The following SELP variants were observed in gnomAD, a reference collection of about 807,000 sequenced individuals.
SELP encodes the protein P-selectin.
SELP carries 92 observed loss-of-function variants against 104.1 expected under a neutral mutation model. The ratio of observed to expected loss-of-function variants is 0.88; its 90% CI spans 0.75 to 1.05. The LOEUF is 1.05. Among genes scored for constraint, SELP ranks in the 50% least tolerant of loss-of-function variants. The pLI, the probability that SELP is intolerant of heterozygous loss-of-function variation, is 0.00. For missense variants in SELP, 1,022 were observed against 1,017.3 expected, an observed-to-expected ratio of 1.00 and a Z score of -0.06; for synonymous variants, 397 against 364.5, an observed-to-expected ratio of 1.09 and a Z score of -1.01.
chr1:169,597,549 G>A (rs938209732), intron 10 of SELP, among the ~76,000 whole-genome samples: 7 of 152,174 alleles, frequency 4.6e-5, no homozygotes, highest in South Asian at 2.1e-4. Context: ...TTTCATTTCC[G>A]CCCTTCCTCT....
chr1:169,616,893 T>A, intron 3 of SELP, 135 bp downstream of exon 3: 1 of 918,762 alleles, frequency 1.1e-6, no homozygotes, highest in Non-Finnish European at 1.6e-6. Context: ...TAATACTGAT[T>A]GACTAACAAT....
chr1:169,621,317 A>T (rs1338198339), intron 1 of SELP, among the ~76,000 whole-genome samples: 1 of 122,950 alleles, frequency 8.1e-6, no homozygotes, highest in South Asian at 2.8e-4. Flanking sequence ...GTGTTCATGT[A>T]TCATGTCCTG....
At chr1:169,605,860 G>A (rs757760265) in intron 9 of SELP, among the ~76,000 whole-genome samples, 3 of 152,052 alleles carry the variant, frequency 2.0e-5, no homozygotes, top group Non-Finnish European at 4.4e-5. Context: ...AAGCAGCATT[G>A]TCTATAAAAG....
At chr1:169,604,198 C>T (rs1182983062) in intron 9 of SELP, among the ~76,000 whole-genome samples, 2 of 151,524 alleles carry the variant, frequency 1.3e-5, no homozygotes, top group Admixed American at 6.6e-5. Flanking sequence ...TCTCTGATGG[C>T]CAGTGATGAT....
At chr1:169,616,452 A>G (rs1662815840) in intron 3 of SELP, among the ~76,000 whole-genome samples, 1 of 152,230 alleles carries the variant, frequency 6.6e-6, no homozygotes, top group South Asian at 2.1e-4. Context: ...TCATCAGCAA[A>G]GTAAGAGTAA....
intron 10 of SELP, among the ~76,000 whole-genome samples, chr1:169,599,355 T>C (rs1275064578): frequency 3.1e-4 from 23 of 75,330 alleles, no homozygotes; most frequent in African/African-American, 2.7e-3. Flanking sequence ...TCTAAAACTT[T>C]GGCAAAAAAA....
intron 14 of SELP, among the ~76,000 whole-genome samples, chr1:169,593,307 A>G (rs756320843): frequency 1.2e-4 from 19 of 152,264 alleles, no homozygotes; most frequent in Non-Finnish European, 2.5e-4. Context: ...CCAAATGCAA[A>G]ACTGCAAAGT....
In SELP at chr1:169,612,924, C is replaced by T; in HGVS notation, c.775+5G>A. 6.3e-7 allele frequency: 1 copy of T among 1,593,954 alleles called. No homozygotes were observed. The highest frequency in any genetic ancestry group is 8.6e-7 in the Non-Finnish European group (1 of 1,167,734). ...GTGAGGATGAAAAGAATAAGGTCTA[C>T]ATACCTAAACACTGTGGAGGCTTAT... is the stretch of plus-strand genomic sequence containing the variant. On this transcript the variant is annotated splice_donor_5th_base_variant and intron_variant, in intron 5 of 16. Transcript: ENST00000263686.
intron 8 of SELP, 39 bp downstream of exon 8, chr1:169,609,465 G>A (rs1321536175): frequency 1.3e-6 from 2 of 1,577,538 alleles, no homozygotes; most frequent in Non-Finnish European, 1.7e-6. Flanking sequence ...CCTCTAACGA[G>A]CTGAGACACA....
intron 1 of SELP, among the ~76,000 whole-genome samples, chr1:169,626,387 G>A (rs566561345): frequency 1.2e-4 from 18 of 152,202 alleles, no homozygotes; most frequent in Non-Finnish European, 2.2e-4. Flanking sequence ...TTCAAGACCA[G>A]CCTTGCCAAC....
At chr1:169,619,108 A>G in intron 2 of SELP, 21 bp downstream of exon 2, 1 of 1,592,134 alleles carries the variant, frequency 6.3e-7, no homozygotes, top group Middle Eastern at 1.7e-4. Context: ...GGCCTAAGTG[A>G]AAAGTTAGCA....
Position 169,597,029 on chromosome 1 carries a change from G to A in SELP, c.1853C>T (p.Thr618Ile), listed in dbSNP as rs779841367. ...TGGAGTAGCTGACCATCTTCCAGAA[G>A]TTGTGCATTCCACATTATTGGGCCC... ...LEGPNNVECT[T>I]SGRWSATPPT... The change falls in exon 11 of 17, where the codon ACT (threonine) becomes ATT (isoleucine). Residue 618 changes from threonine to isoleucine, a missense_variant. Thr to Ile is a moderately conservative substitution (Grantham distance 89). Transcript: ENST00000263686. 4 of 1,613,122 alleles carry A rather than the reference G, an allele frequency of 2.5e-6. No individual in the cohort carries two copies. Among genetic ancestry groups the A allele is most frequent in the Non-Finnish European group, 3.4e-6 (4 of 1,179,480 alleles).
chr1:169,610,953 T>C (rs1662499890), intron 7 of SELP, among the ~76,000 whole-genome samples: 1 of 152,210 alleles, frequency 6.6e-6, no homozygotes, highest in African/African-American at 2.4e-5. Context: ...CATCCAGGTC[T>C]GGGAATTCAC....
chr1:169,597,209 C>T (rs778621150), intron 10 of SELP, 33 bp from the exon 11 acceptor site: 3 of 1,512,266 alleles, frequency 2.0e-6, no homozygotes, highest in East Asian at 4.6e-5. Flanking sequence ...TCACAATCTC[C>T]AAGTTTATTC....
chr1:169,611,969 T>C (rs1662559472), intron 6 of SELP, among the ~76,000 whole-genome samples: 1 of 152,132 alleles, frequency 6.6e-6, no homozygotes, highest in African/African-American at 2.4e-5. Context: ...GAGGCCACCC[T>C]TTCTAATCTT....
At position 169,593,766 on chromosome 1, in the gene SELP, A is replaced by G. The variant is rs140498105; in HGVS notation, c.2288-42T>C. ...CACACATGCAAGACATAAGAAGTGT[A>G]TTATGCAAAAGACTAGTCTTTCTCT... is the stretch of plus-strand genomic sequence containing the variant. On this transcript the variant is annotated intron_variant, in intron 13 of 16. Coordinates refer to ENST00000263686, the MANE Select transcript of SELP (RefSeq NM_003005.4). 4.6e-4 allele frequency: 734 copies of G among 1,606,066 alleles called. 4 individuals are homozygous for G. In the African/African-American group the frequency reaches 9.1e-3, roughly 20 times the overall value.
At position 169,597,042 on chromosome 1, in the gene SELP, C is replaced by T; in HGVS notation, c.1840G>A (p.Val614Met). ...NGFKLEGPNN[V>M]ECTTSGRWSA... ...CATCTTCCAGAAGTTGTGCATTCCA[C>T]ATTATTGGGCCCCTCCAGCTTAAAG... Residue 614 changes from valine to methionine, a missense_variant, in exon 11 of 17, where the codon GTG (valine) becomes ATG (methionine). Coordinates refer to ENST00000263686, the MANE Select transcript of SELP (RefSeq NM_003005.4). 6.2e-7 allele frequency: 1 copy of T among 1,613,182 alleles called. No homozygotes were observed. The highest frequency in any genetic ancestry group is 8.5e-7 in the Non-Finnish European group (1 of 1,179,552).
Position 169,597,157 on chromosome 1 carries a change from G to A in SELP, c.1725C>T (p.Leu575=). The A allele has an allele frequency of 6.2e-7, 1 of 1,603,488 alleles. No individual in the cohort carries two copies. Among genetic ancestry groups the A allele is most frequent in the Non-Finnish European group, 8.5e-7 (1 of 1,174,374 alleles). ...PMCEAIKCPE[L]FAPEQGSLDC... ...CCAGGCTGCCCTGCTCTGGGGCAAAGAGTTCTGGGCACTTGATGGCTAGAG... is the reference window on the plus strand; with the variant it reads ...CCAGGCTGCCCTGCTCTGGGGCAAAAAGTTCTGGGCACTTGATGGCTAGAG... Residue 575 remains leucine, a synonymous_variant, in exon 11 of 17, where the codon CTC becomes CTT. Coordinates refer to ENST00000263686, the MANE Select transcript of SELP (RefSeq NM_003005.4).
At chr1:169,601,089 G>GT (rs1661888416) in intron 10 of SELP, among the ~76,000 whole-genome samples, 3 of 152,286 alleles carry the variant, frequency 2.0e-5, no homozygotes, top group South Asian at 4.1e-4. Context: ...ATTTTTAAAG[G>GT]TTTTTTTAAA....
Sources: allele counts gnomAD v4.1 joint callset (sites outside exome capture counted in the v4.1 genomes callset), GRCh38; gene constraint gnomAD v4.1.1; transcripts MANE v1.5; gene names NCBI Gene and HGNC (gene_info 2026-07-23, HGNC 2026-07-21).